The following HTR2C variants were observed in gnomAD, a reference collection of about 807,000 sequenced individuals.
HTR2C encodes 5-hydroxytryptamine receptor 2C.
HTR2C carries 5 observed loss-of-function variants against 21.0 expected under a neutral mutation model. That is an observed-to-expected ratio of 0.24 (90% confidence interval 0.12 to 0.50). The LOEUF is 0.50. Among genes scored for constraint, HTR2C ranks in the 20% least tolerant of loss-of-function variants. HTR2C has a pLI of 0.98. For missense variants in HTR2C, 271 were observed against 371.2 expected (o/e 0.73, Z 2.22); for synonymous variants, 150 against 145.3 (o/e 1.03, Z -0.23).
chrX:114,757,842 A>T (rs782568731), intron 4 of HTR2C, among the ~76,000 whole-genome samples: 3 of 111,918 alleles, frequency 2.7e-5, no homozygotes, highest in South Asian at 7.5e-4. Flanking sequence ...GCATATTAGG[A>T]AACCAATTGC....
At chrX:114,783,396 A>C (rs782774136) in intron 4 of HTR2C, among the ~76,000 whole-genome samples, 75 of 112,130 alleles carry the variant, frequency 6.7e-4, no homozygotes, top group Non-Finnish European at 1.1e-3. Flanking sequence ...TGTTAACTTC[A>C]TAGTTATACA....
intron 4 of HTR2C, among the ~76,000 whole-genome samples, chrX:114,806,171 A>T (rs1556449340): frequency 1.0e-5 from 1 of 100,329 alleles, no homozygotes; most frequent in African/African-American, 3.6e-5. Flanking sequence ...GTATACATAT[A>T]TACACCCTAT....
At chrX:114,806,336 A>G (rs983828991) in intron 4 of HTR2C, among the ~76,000 whole-genome samples, 7 of 91,624 alleles carry the variant, frequency 7.6e-5, no homozygotes, top group Non-Finnish European at 1.1e-4. Flanking sequence ...CCATATATAT[A>G]CACCATATAT....
In HTR2C at chrX:114,702,584, C is replaced by T. The variant is rs1278376808; in HGVS notation, c.-79-24274C>T. Among the ~76,000 whole-genome samples, 49 of 111,375 alleles carry T rather than the reference C, an allele frequency of 4.4e-4. No individual in the cohort carries two copies. In the Middle Eastern group the frequency reaches 0.014, roughly 31 times the overall value. On this transcript the variant is annotated intron_variant, in intron 2 of 5. Coordinates refer to ENST00000276198, the MANE Select transcript of HTR2C (RefSeq NM_000868.4). ...AGCACTAAACATGGAAAGGAACAAC[C>T]GGTACCAGCCGCTGCAAAATCATGC...
intron 4 of HTR2C, among the ~76,000 whole-genome samples, chrX:114,821,070 T>G (rs1389661661): frequency 1.8e-5 from 2 of 111,600 alleles, no homozygotes; most frequent in Non-Finnish European, 3.8e-5. Flanking sequence ...AAGTAGTGAA[T>G]AAGAATCATT....
At chrX:114,713,511 A>G (rs782389494) in intron 2 of HTR2C, among the ~76,000 whole-genome samples, 2 of 111,253 alleles carry the variant, frequency 1.8e-5, no homozygotes, top group South Asian at 7.5e-4. Context: ...TGTGTGATAG[A>G]AACTGTCTCC....
At chrX:114,651,677 C>T (rs1556408515) in intron 2 of HTR2C, 1 of 124,410 alleles carries the variant, frequency 8.0e-6, no homozygotes, top group East Asian at 2.8e-4. Flanking sequence ...TTTTGTACTT[C>T]ATGTAGATTT....
intron 2 of HTR2C, among the ~76,000 whole-genome samples, chrX:114,680,235 TA>T (rs1348928838): frequency 1.1e-4 from 12 of 112,464 alleles, no homozygotes; most frequent in Admixed American, 2.8e-4. Context: ...GTTGGTAGGT[TA>T]AATTCTGTGG....
intron 4 of HTR2C, among the ~76,000 whole-genome samples, chrX:114,839,390 AT>A (rs1556464922): frequency 8.9e-6 from 1 of 112,307 alleles, no homozygotes; most frequent in African/African-American, 3.2e-5. Context: ...CAATAAAAAA[AT>A]CTTTAGTTTT....
intron 1 of HTR2C, among the ~76,000 whole-genome samples, chrX:114,593,330 A>G (rs1927706012): frequency 9.0e-6 from 1 of 111,680 alleles, no homozygotes; most frequent in African/African-American, 3.3e-5. Flanking sequence ...TCCTGGGCTC[A>G]AGCGAACCTA....
Position 114,651,938 on chromosome X carries a change from C to A in HTR2C, c.-80+38057C>A, listed in dbSNP as rs782307711. 1.4e-4 allele frequency among the ~76,000 whole-genome samples: 16 copies of A among 111,577 alleles called. No individual in the cohort carries two copies. In the Middle Eastern group the frequency reaches 0.028, roughly 196 times the overall value. ...TTGGAAGAACATTATTATGATCTTT[C>A]ATCATGTTGAAATTTCTTTTGATGA... is the stretch of plus-strand genomic sequence containing the variant. On this transcript the variant is annotated intron_variant, in intron 2 of 5. Coordinates refer to ENST00000276198, the MANE Select transcript of HTR2C (RefSeq NM_000868.4).
chrX:114,890,666 T>C (rs1556482638), intron 5 of HTR2C, among the ~76,000 whole-genome samples: 2 of 112,302 alleles, frequency 1.8e-5, no homozygotes, highest in East Asian at 5.5e-4. Context: ...TAATTTGATA[T>C]TTGAGTGTGT....
chrX:114,871,941 A>G (rs1289756662), intron 5 of HTR2C, among the ~76,000 whole-genome samples: 1 of 109,586 alleles, frequency 9.1e-6, no homozygotes, highest in African/African-American at 3.3e-5. Context: ...TTTCCAAATT[A>G]TTTGGCATGC....
chrX:114,774,773 G>T lies in HTR2C; in HGVS notation c.349+43166G>T, dbSNP rs1357272868. On this transcript the variant is annotated intron_variant, in intron 4 of 5. Transcript: ENST00000276198. ...TGCCACAGAATTTGCTACAAATTTA[G>T]GTCCTTCAATGTTTTAAATGTGTGG... 3 of 332,035 alleles carry T rather than the reference G, an allele frequency of 9.0e-6. No homozygotes were observed. The Admixed American group carries it at 1.6e-4, about 18-fold the overall frequency. 27.4% of individuals were successfully genotyped at this position (332,035 alleles called of 1,213,427 possible).
At chrX:114,791,122 AGC>A (rs2070227959) in intron 4 of HTR2C, among the ~76,000 whole-genome samples, 1 of 113,032 alleles carries the variant, frequency 8.8e-6, no homozygotes, top group African/African-American at 3.2e-5. Context: ...GCCAATTAAT[AGC>A]GCCATGAGCG....
intron 2 of HTR2C, chrX:114,630,816 A>T: frequency 2.7e-6 from 1 of 370,369 alleles, no homozygotes; most frequent in Middle Eastern, 5.5e-4. Context: ...CAAGTGACCC[A>T]TTGGGCTCCA....
intron 2 of HTR2C, among the ~76,000 whole-genome samples, chrX:114,663,792 G>A (rs997420516): frequency 9.0e-6 from 1 of 111,435 alleles, no homozygotes; most frequent in Non-Finnish European, 1.9e-5. Flanking sequence ...TGAAAGTATA[G>A]GTAGGATCTT....
intron 1 of HTR2C, among the ~76,000 whole-genome samples, chrX:114,610,673 G>A (rs1556398376): frequency 9.0e-6 from 1 of 111,516 alleles, no homozygotes; most frequent in Admixed American, 9.6e-5. Context: ...TCTATCTAGA[G>A]TCACTCGCCT....
At chrX:114,895,797 G>A (rs1329083859) in intron 5 of HTR2C, among the ~76,000 whole-genome samples, 2 of 110,863 alleles carry the variant, frequency 1.8e-5, no homozygotes, top group Non-Finnish European at 3.8e-5. Context: ...AGACCAGCTT[G>A]GCCAACATGG....
Sources: gnomAD v4.1 joint callset for allele counts (sites outside exome capture counted in the v4.1 genomes callset) on GRCh38, gnomAD v4.1.1 for gene constraint, MANE v1.5 for transcripts, NCBI Gene and HGNC (gene_info 2026-07-23, HGNC 2026-07-21) for gene names.